RTN4: variants seen among roughly 807,000 people sequenced by gnomAD.
The protein encoded by RTN4 is reticulon-4.
Under a neutral mutation model 90.4 loss-of-function variants are expected in RTN4, and 32 were observed. The ratio of observed to expected loss-of-function variants is 0.35; its 90% CI spans 0.27 to 0.48. The LOEUF (loss-of-function observed/expected upper bound fraction) is 0.48. RTN4 is among the 20% of genes least tolerant of loss of function. The pLI is 0.99. For missense variants in RTN4, 1,706 were observed against 1,430.2 expected (o/e 1.19, Z -3.11); for synonymous variants, 629 against 552.5 (o/e 1.14, Z -1.94).
intron 3 of RTN4, among the ~76,000 whole-genome samples, chr2:54,997,969 C>T (rs550684305): frequency 2.0e-5 from 3 of 152,142 alleles, no homozygotes; most frequent in East Asian, 1.9e-4. Context: ...CTAGGGCATA[C>T]GCTAGGGGTC....
At chr2:55,122,129 G>C in the RTN4 span, among the ~76,000 whole-genome samples, 2 of 151,678 alleles carry the variant, frequency 1.3e-5, no homozygotes, top group African/African-American at 4.8e-5. Context: ...CCACAGGTAG[G>C]GGCCCCCTCT....
Position 55,025,616 on chromosome 2 carries a change from A to C in RTN4, c.2483T>G (p.Ile828Ser). The C allele has an allele frequency of 6.2e-7, 1 of 1,613,500 alleles. No individual in the cohort carries two copies. Residue 828 changes from isoleucine (I) to serine (S), a missense_variant, in exon 3 of 9, where the codon ATT (isoleucine) becomes AGT (serine). By Grantham distance (142) the Ile-to-Ser change is moderately radical. Transcript: ENST00000337526. ...EVSTLSKKEK[I>S]PLQMEELSTA... ...ACTGAGCTCCTCCATCTGCAAAGGA[A>C]TTTTCTCCTTTTTGCTCAATGTTGA... is the stretch of plus-strand genomic sequence containing the variant.
At chr2:55,013,155 T>C (rs1206919061) in intron 3 of RTN4, among the ~76,000 whole-genome samples, 1 of 152,146 alleles carries the variant, frequency 6.6e-6, no homozygotes, top group Non-Finnish European at 1.5e-5. Flanking sequence ...AATAAAAGTG[T>C]TGTATGAATT....
At chr2:55,039,512 G>A (rs1233291446) in intron 1 of RTN4, among the ~76,000 whole-genome samples, 4 of 152,340 alleles carry the variant, frequency 2.6e-5, no homozygotes, top group Admixed American at 2.6e-4. Context: ...TGTGAGGCCA[G>A]GCGCGCTCGC....
rs561029621 is a variant in RTN4 at position 55,038,320 on chromosome 2, A to G, written c.557-10100T>C. 6.6e-5 allele frequency among the ~76,000 whole-genome samples: 10 copies of G among 152,308 alleles called. No homozygotes were observed. The South Asian group carries it at 1.9e-3, about 28-fold the overall frequency. On this transcript the variant is annotated intron_variant, in intron 1 of 8. Coordinates refer to ENST00000337526, the MANE Select transcript of RTN4 (RefSeq NM_020532.5). ...AAATTTATACTCATCAAAAGAATCAATAAAATTAATAGGCAAGCTACAGAC... is the reference window on the plus strand; with the variant it reads ...AAATTTATACTCATCAAAAGAATCAGTAAAATTAATAGGCAAGCTACAGAC...
chr2:55,034,988 G>C (rs1345812055), intron 1 of RTN4, among the ~76,000 whole-genome samples: 1 of 152,056 alleles, frequency 6.6e-6, no homozygotes, highest in Non-Finnish European at 1.5e-5. Flanking sequence ...AAAAAATAAA[G>C]AGGTACAGCT....
intron 3 of RTN4, among the ~76,000 whole-genome samples, chr2:55,001,994 T>A (rs1187468128): frequency 6.6e-6 from 1 of 152,146 alleles, no homozygotes; most frequent in Non-Finnish European, 1.5e-5. Context: ...CTAAAATAAA[T>A]TTATTTTCAT....
At chr2:55,036,961 A>G (rs1411368848) in intron 1 of RTN4, among the ~76,000 whole-genome samples, 1 of 152,216 alleles carries the variant, frequency 6.6e-6, no homozygotes, top group Non-Finnish European at 1.5e-5. Flanking sequence ...ACTTACAGAC[A>G]ACAGGACTGT....
intron 3 of RTN4, among the ~76,000 whole-genome samples, chr2:55,004,923 G>A (rs1430252688): frequency 2.6e-5 from 4 of 152,078 alleles, no homozygotes; most frequent in African/African-American, 9.7e-5. Context: ...CCTCCCCAGG[G>A]AGGCTTAGTG....
intron 1 of RTN4, among the ~76,000 whole-genome samples, chr2:55,087,091 T>C (rs1668854911): frequency 6.6e-6 from 1 of 152,244 alleles, no homozygotes; most frequent in Non-Finnish European, 1.5e-5. Flanking sequence ...TAGCATTCTA[T>C]TGTATAATGT....
intron 3 of RTN4, among the ~76,000 whole-genome samples, chr2:54,996,806 G>A (rs1276279412): frequency 6.6e-6 from 1 of 152,180 alleles, no homozygotes; most frequent in Non-Finnish European, 1.5e-5. Context: ...TGTCACCCAT[G>A]CTGGAGTGGA....
At chr2:55,117,664 C>T in the RTN4 span, among the ~76,000 whole-genome samples, 5 of 152,102 alleles carry the variant, frequency 3.3e-5, no homozygotes, top group African/African-American at 1.2e-4. Flanking sequence ...ACAAAATATG[C>T]AAAAGAAACC....
At position 54,973,052 on chromosome 2, in the gene RTN4, A is replaced by G. The variant is rs202045881; in HGVS notation, c.*104T>C. 43 of 880,468 alleles carry G rather than the reference A, an allele frequency of 4.9e-5. No individual in the cohort carries two copies. Among genetic ancestry groups the G allele is most frequent in the Non-Finnish European group, 7.4e-5 (41 of 551,194 alleles). 54.5% of individuals were successfully genotyped at this position (880,468 alleles called of 1,614,324 possible). A position where few individuals can be genotyped will look rare whatever the true frequency, so the allele number is the denominator to read the frequency against. On this transcript the variant is annotated 3_prime_UTR_variant, in exon 9 of 9. Coordinates refer to ENST00000337526, the MANE Select transcript of RTN4 (RefSeq NM_020532.5). ...ATAAAGATCTAACAACGATCTGTGA[A>G]ACTGCACTGCAACGTCAAGGTTCGT...
At chr2:55,054,981 C>T (rs114184377), upstream of RTN4, among the ~76,000 whole-genome samples, 149 of 152,114 alleles carry the variant, frequency 9.8e-4, no homozygotes, top group African/African-American at 3.4e-3. Flanking sequence ...AGATCAACTT[C>T]TTCAGTCATG....
At chr2:55,078,955 A>G (rs188436049) in intron 2 of RTN4, among the ~76,000 whole-genome samples, 8 of 152,358 alleles carry the variant, frequency 5.3e-5, no homozygotes, top group Admixed American at 5.2e-4. Context: ...GAAATGGGAA[A>G]TGGAAAATAG....
intron 3 of RTN4, among the ~76,000 whole-genome samples, chr2:54,995,109 C>A (rs540926218): frequency 1.4e-3 from 212 of 151,706 alleles, no homozygotes; most frequent in African/African-American, 4.8e-3. Flanking sequence ...GCATGGTGGC[C>A]GGTGCCTGTA....
the RTN4 span, among the ~76,000 whole-genome samples, chr2:55,130,499 C>G: frequency 6.6e-6 from 1 of 152,080 alleles, no homozygotes; most frequent in Non-Finnish European, 1.5e-5. Context: ...CCTGTAATCC[C>G]AGCACTTTGG....
intron 2 of RTN4, among the ~76,000 whole-genome samples, chr2:55,058,353 ATCAGGGGTTTCTCT>A (rs1233668500): frequency 1.3e-5 from 2 of 152,218 alleles, no homozygotes; most frequent in African/African-American, 2.4e-5. Flanking sequence ...GTAGGAGGGA[ATCAGGGGTTTCTCT>A]TCAGCCATGA....
intron 3 of RTN4, among the ~76,000 whole-genome samples, chr2:55,000,155 T>G (rs1056317536): frequency 2.0e-5 from 3 of 152,172 alleles, no homozygotes; most frequent in African/African-American, 7.2e-5. Flanking sequence ...ATGTAATGCT[T>G]AGCTAAGCCC....
Sources: gnomAD v4.1 joint callset for allele counts (sites outside exome capture counted in the v4.1 genomes callset) on GRCh38, gnomAD v4.1.1 for gene constraint, MANE v1.5 for transcripts, NCBI Gene and HGNC (gene_info 2026-07-23, HGNC 2026-07-21) for gene names.